NKX1-1: variants seen among roughly 807,000 people sequenced by gnomAD.
The protein encoded by NKX1-1 is NK1 transcription factor-related protein 1.
Under a neutral mutation model 1.7 loss-of-function variants are expected in NKX1-1, and 7 were observed. The ratio of observed to expected loss-of-function variants is 4.22; its 90% CI spans 2.40 to 7.92. The LOEUF is 7.92. Ranked by LOEUF, NKX1-1 falls within the 30% of genes most tolerant of loss-of-function variation. NKX1-1 has a pLI of 0.00. For synonymous variants in NKX1-1, 242 were observed against 85.3 expected (o/e 2.84, Z -10.13); for missense variants, 453 against 171.5 (o/e 2.64, Z -9.17).
chr4:1,403,741 G>GGCC lies in NKX1-1; in HGVS notation c.535_537dup (p.Gly179dup), dbSNP rs779514114. The GGCC allele has an allele frequency of 1.5e-6, 1 of 685,006 alleles. No individual in the cohort carries two copies. The highest frequency in any genetic ancestry group is 1.5e-5 in the South Asian group (1 of 66,384). 42.4% of individuals were successfully genotyped at this position (685,006 alleles called of 1,614,324 possible). A position where few individuals can be genotyped will look rare whatever the true frequency, so the allele number is the denominator to read the frequency against. On this transcript the variant is annotated inframe_insertion, in exon 2 of 2. Coordinates refer to ENST00000422806, the MANE Select transcript of NKX1-1 (RefSeq NM_001290079.1). ...TCCCCGCTGTCCGCGCTCGGGCTGT[G>GGCC]GCCGCCGCCGCCGCTGCTGTAGCCG...
At chr4:1,403,874 C>T (rs907017182) in intron 1 of NKX1-1, 59 bp from the exon 2 acceptor site, 1 of 543,110 alleles carries the variant, frequency 1.8e-6, no homozygotes, top group Non-Finnish European at 3.3e-6. Flanking sequence ...GTTCCCAGAT[C>T]CCGCCCTCCG....
At chr4:1,405,702 G>C (rs1039717405) in intron 1 of NKX1-1, among the ~76,000 whole-genome samples, 1 of 152,214 alleles carries the variant, frequency 6.6e-6, no homozygotes, top group Admixed American at 6.5e-5. Context: ...TTCTAGGCCG[G>C]AGACGCGCGG....
Position 1,403,573 on chromosome 4 carries a change from A to G in NKX1-1, c.706T>C (p.Ser236Pro), listed in dbSNP as rs200249698. ...GCCTCGTCGACGGTGGCTCCGGGGGACGCGTCGGTCTCAGCCGCGCCCTGG... is the reference window on the plus strand; with the variant it reads ...GCCTCGTCGACGGTGGCTCCGGGGGGCGCGTCGGTCTCAGCCGCGCCCTGG... ...GCQGAAETDA[S>P]PGATVDEAAA... Residue 236 changes from serine to proline, a missense_variant, in exon 2 of 2, where the codon TCC (serine) becomes CCC (proline). By Grantham distance (74) the Ser-to-Pro change is moderately conservative. Coordinates refer to ENST00000422806, the MANE Select transcript of NKX1-1 (RefSeq NM_001290079.1). The G allele has an allele frequency of 2.8e-4, 128 of 452,580 alleles. 1 individual carries two copies. The East Asian group carries it at 4.3e-3, about 15-fold the overall frequency. 28.0% of individuals were successfully genotyped at this position (452,580 alleles called of 1,614,324 possible).
chr4:1,405,358 C>A (rs1021487286), intron 1 of NKX1-1, among the ~76,000 whole-genome samples: 2 of 152,146 alleles, frequency 1.3e-5, no homozygotes, highest in Admixed American at 6.5e-5. Context: ...GAATTTTGAC[C>A]CTATAATTTA....
At position 1,403,485 on chromosome 4, in the gene NKX1-1, G is replaced by A; in HGVS notation, c.794C>T (p.Ala265Val). 3.6e-6 allele frequency: 2 copies of A among 550,268 alleles called. No individual in the cohort carries two copies. The highest frequency in any genetic ancestry group is 6.4e-6 in the Non-Finnish European group (2 of 314,330). The allele number at this position is 550,268 out of a possible 1,614,324, so 34.1% of individuals were successfully genotyped here. The change falls in exon 2 of 2, where the codon GCG becomes GTG. Residue 265 changes from alanine (A) to valine (V), a missense_variant. Transcript: ENST00000422806. ...CGGGGTGGTCCCCGCGCCCCCCGGC[G>A]CCGCTGCACCTCCCGGTGGGCCCTG... ...VAQGPPGGAAAPGGAGTTPQG... is the reference protein window; with the variant it reads ...VAQGPPGGAAVPGGAGTTPQG...
At chr4:1,404,846 C>T (rs1052059905) in intron 1 of NKX1-1, among the ~76,000 whole-genome samples, 1 of 152,190 alleles carries the variant, frequency 6.6e-6, no homozygotes, top group Non-Finnish European at 1.5e-5. Context: ...GACTGGCCAC[C>T]TGGCATGGAG....
chr4:1,404,967 C>T (rs1056578779), intron 1 of NKX1-1, among the ~76,000 whole-genome samples: 5 of 152,256 alleles, frequency 3.3e-5, no homozygotes, highest in Admixed American at 2.0e-4. Flanking sequence ...AGATGACTCC[C>T]CGGCTGTAGT....
chr4:1,405,064 C>T (rs1720725903), intron 1 of NKX1-1, among the ~76,000 whole-genome samples: 1 of 152,244 alleles, frequency 6.6e-6, no homozygotes, highest in Admixed American at 6.5e-5. Flanking sequence ...GCAGCCGCCG[C>T]AGAGTCCGTA....
rs1355019276 is a variant in NKX1-1, at chr4:1,406,221, T to G, written c.222A>C (p.Ala74=). 1.3e-5 allele frequency: 7 copies of G among 552,152 alleles called. No individual in the cohort carries two copies. The highest frequency in any genetic ancestry group is 2.2e-5 in the Non-Finnish European group (7 of 311,450). The allele number at this position is 552,152 out of a possible 1,614,324, so 34.2% of individuals were successfully genotyped here. A position where few individuals can be genotyped will look rare whatever the true frequency, so the allele number is the denominator to read the frequency against. Residue 74 remains alanine (A), a synonymous_variant, in exon 1 of 2, where the codon GCA becomes GCC. Transcript: ENST00000422806. ...APEGAGAARP[A]APLRPTSFSV... is the part of the protein sequence containing the mutation. ...AGAAGGAGGTGGGGCGCAGGGGCGC[T>G]GCGGGCCGGGCCGCTCCAGCCCCCT...
Position 1,403,455 on chromosome 4 carries a change from C to G in NKX1-1, c.824G>C (p.Gly275Ala), listed in dbSNP as rs1720693214. Residue 275 changes from glycine to alanine, a missense_variant, in exon 2 of 2, where the codon GGC becomes GCC. Gly to Ala is a moderately conservative substitution (Grantham distance 60, BLOSUM62 0). Coordinates refer to ENST00000422806, the MANE Select transcript of NKX1-1 (RefSeq NM_001290079.1). ...CTTGGGCTTCGCCGCCGTCGCCGTG[C>G]CCTGCGGGGTGGTCCCCGCGCCCCC... ...APGGAGTTPQ[G>A]TATAAKPKRK... 1.6e-6 allele frequency: 1 copy of G among 629,866 alleles called. No homozygotes were observed. The highest frequency in any genetic ancestry group is 1.7e-5 in the South Asian group (1 of 59,708). The allele number at this position is 629,866 out of a possible 1,614,324, so 39.0% of individuals were successfully genotyped here. A position where few individuals can be genotyped will look rare whatever the true frequency, so the allele number is the denominator to read the frequency against.
chr4:1,404,250 T>G (rs1352975378), intron 1 of NKX1-1, among the ~76,000 whole-genome samples: 1 of 152,260 alleles, frequency 6.6e-6, no homozygotes, highest in East Asian at 1.9e-4. Flanking sequence ...TAAGGCCATT[T>G]AATTTATTTC....
chr4:1,405,965 G>T lies in NKX1-1; in HGVS notation c.463+15C>A. On this transcript the variant is annotated intron_variant, in intron 1 of 1. Coordinates refer to ENST00000422806, the MANE Select transcript of NKX1-1 (RefSeq NM_001290079.1). Reference sequence around the variant, plus strand: ...CCCCGTCCCTGCGACCTGGTGCCGGGCGCATCCTACTCACTCGGCGGCTCA... The same window carrying T: ...CCCCGTCCCTGCGACCTGGTGCCGGTCGCATCCTACTCACTCGGCGGCTCA... 4.4e-6 allele frequency: 2 copies of T among 455,428 alleles called. No individual in the cohort carries two copies. Among genetic ancestry groups the T allele is most frequent in the South Asian group, 9.7e-5 (2 of 20,616 alleles). The allele number at this position is 455,428 out of a possible 1,614,324, so 28.2% of individuals were successfully genotyped here. A position where few individuals can be genotyped will look rare whatever the true frequency, so the allele number is the denominator to read the frequency against.
chr4:1,404,064 C>A (rs368893977), intron 1 of NKX1-1, among the ~76,000 whole-genome samples: 3 of 152,158 alleles, frequency 2.0e-5, no homozygotes, highest in African/African-American at 7.2e-5. Flanking sequence ...GGAGAGGGTC[C>A]CCCTCGCCCC....
chr4:1,405,729 G>A (rs1288270882), intron 1 of NKX1-1, among the ~76,000 whole-genome samples: 2 of 152,198 alleles, frequency 1.3e-5, no homozygotes, highest in Admixed American at 1.3e-4. Flanking sequence ...ACCCTGGACC[G>A]GCCTCACAGC....
rs1163507550 is a variant in NKX1-1, at chr4:1,403,652, G to A, written c.627C>T (p.Gly209=). The A allele has an allele frequency of 4.9e-6, 3 of 611,738 alleles. No individual in the cohort carries two copies. Among genetic ancestry groups the A allele is most frequent in the Non-Finnish European group, 8.7e-6 (3 of 345,144 alleles). The allele number at this position is 611,738 out of a possible 1,614,324, so 37.9% of individuals were successfully genotyped here. The part of the protein sequence containing the change: ...DEAPETEAAR[G]AEEARGGGGG... Reference sequence around the variant, plus strand: ...CGCCGCCTCCCCGCGCCTCCTCCGCGCCTCGCGCCGCCTCCGTCTCGGGCG... The same window carrying A: ...CGCCGCCTCCCCGCGCCTCCTCCGCACCTCGCGCCGCCTCCGTCTCGGGCG... Residue 209 remains glycine (G), a synonymous_variant, in exon 2 of 2, where the codon GGC becomes GGT. Transcript: ENST00000422806.
intron 1 of NKX1-1, 104 bp from the exon 2 acceptor site, chr4:1,403,919 C>T (rs1720703856): frequency 2.0e-6 from 1 of 494,408 alleles, no homozygotes; most frequent in Non-Finnish European, 3.6e-6. Context: ...TTCCCTCCCG[C>T]CCCCTGCTCA....
chr4:1,404,905 G>A (rs946456836), intron 1 of NKX1-1, among the ~76,000 whole-genome samples: 2 of 152,220 alleles, frequency 1.3e-5, no homozygotes, highest in Non-Finnish European at 2.9e-5. Context: ...AGTAGGATCC[G>A]CCCCTAGACG....
In NKX1-1 at chr4:1,406,384, T is replaced by G. The variant is rs72613115; in HGVS notation, c.59A>C (p.Gln20Pro). Reference sequence around the variant, plus strand: ...GGGCGGTGCGGGCCCCGAACCTGGCTGGGGAGGCGGCGGTAGCGCGGGAAT... The same window carrying G: ...GGGCGGTGCGGGCCCCGAACCTGGCGGGGGAGGCGGCGGTAGCGCGGGAAT... Reference protein sequence around the residue: ...GDIPALPPPPQPGSGPAPPAP... With the variant: ...GDIPALPPPPPPGSGPAPPAP... The change falls in exon 1 of 2, where the codon CAG (glutamine) becomes CCG (proline). Residue 20 changes from glutamine to proline, a missense_variant. By Grantham distance (76) the Gln-to-Pro change is moderately conservative (BLOSUM62 -1). Transcript: ENST00000422806. The G allele has an allele frequency of 5.6e-6, 2 of 355,338 alleles. No homozygotes were observed. Among genetic ancestry groups the G allele is most frequent in the East Asian group, 4.2e-5 (1 of 23,704 alleles). 22.0% of individuals were successfully genotyped at this position (355,338 alleles called of 1,614,324 possible).
At position 1,403,719 on chromosome 4, in the gene NKX1-1, C is replaced by A; in HGVS notation, c.560G>T (p.Gly187Val). The change falls in exon 2 of 2, where the codon GGG (glycine) becomes GTG (valine). Residue 187 changes from glycine to valine, a missense_variant. Coordinates refer to ENST00000422806, the MANE Select transcript of NKX1-1 (RefSeq NM_001290079.1). ...GTCCTCGTCGTCGGGAACCTCGTCC[C>A]CGCTGTCCGCGCTCGGGCTGTGGCC... ...GGGHSPSADS[G>V]DEVPDDEDDD... 1 of 689,010 alleles carries A rather than the reference C, an allele frequency of 1.5e-6. No homozygotes were observed. Among genetic ancestry groups the A allele is most frequent in the Admixed American group, 2.1e-5 (1 of 48,516 alleles). The allele number at this position is 689,010 out of a possible 1,614,324, so 42.7% of individuals were successfully genotyped here. A position where few individuals can be genotyped will look rare whatever the true frequency, so the allele number is the denominator to read the frequency against.
Sources: allele counts gnomAD v4.1 joint callset (sites outside exome capture counted in the v4.1 genomes callset), GRCh38; gene constraint gnomAD v4.1.1; transcripts MANE v1.5; gene names NCBI Gene and HGNC (gene_info 2026-07-23, HGNC 2026-07-21).